The following CDH22 variants were observed in gnomAD, a reference collection of about 807,000 sequenced individuals.
The protein encoded by CDH22 is cadherin-22.
In CDH22, 30 loss-of-function variants were observed where a neutral mutation model predicts 58.4. The ratio of observed to expected loss-of-function variants is 0.51; its 90% CI spans 0.38 to 0.70. The LOEUF is 0.70. Ranked by LOEUF, CDH22 falls within the 30% of genes least tolerant of loss-of-function variation. The pLI is 0.00. For synonymous variants in CDH22, 513 were observed against 558.2 expected, an observed-to-expected ratio of 0.92 and a Z score of 1.14; for missense variants, 1,014 against 1,233.9, an observed-to-expected ratio of 0.82 and a Z score of 2.67.
At chr20:46,200,278 TTTTC>T (rs754120900) in intron 7 of CDH22, among the ~76,000 whole-genome samples, 88 of 150,952 alleles carry the variant, frequency 5.8e-4, no homozygotes, top group Non-Finnish European at 1.0e-3. Context: ...CCCGGCCCTC[TTTTC>T]TTTCTTTCTT....
At chr20:46,175,608 C>G (rs2085732549) in intron 11 of CDH22, among the ~76,000 whole-genome samples, 1 of 152,188 alleles carries the variant, frequency 6.6e-6, no homozygotes, top group South Asian at 2.1e-4. Flanking sequence ...GAGCTGCAGG[C>G]CAGGTTCCAT....
At chr20:46,181,756 T>TTCCTTCCTTCGTTCGTTCC (rs1410990843) in intron 10 of CDH22, among the ~76,000 whole-genome samples, 1 of 27,698 alleles carries the variant, frequency 3.6e-5, no homozygotes, top group Non-Finnish European at 7.5e-5. Flanking sequence ...TCCTTCCTTC[T>TTCCTTCCTTCGTTCGTTCC]TTCTTTCTTT....
rs115196523 is a variant in CDH22 at position 46,292,558 on chromosome 20, T to C, written c.-400+15697A>G. On this transcript the variant is annotated intron_variant, in intron 1 of 11. Transcript: ENST00000537909. ...TCTGATGTTCTGATTTTCTGACAAA[T>C]TAGGGTATCCGGTGTCTTAGTCCTG... is the stretch of plus-strand genomic sequence containing the variant. Among the ~76,000 whole-genome samples, 272 of 152,242 alleles carry C rather than the reference T, an allele frequency of 1.8e-3. 1 individual carries two copies. In the Middle Eastern group the frequency reaches 0.02, roughly 11 times the overall value.
intron 3 of CDH22, among the ~76,000 whole-genome samples, chr20:46,234,845 CA>C (rs980301597): frequency 3.8e-4 from 58 of 152,242 alleles, no homozygotes; most frequent in African/African-American, 8.7e-4. Context: ...ACTTTGAGGT[CA>C]GGGGTGGTGT....
chr20:46,192,919 C>CG (rs1371551104), intron 8 of CDH22, among the ~76,000 whole-genome samples: 2 of 152,032 alleles, frequency 1.3e-5, no homozygotes, highest in Admixed American at 6.5e-5. Context: ...CCCCATGCCC[C>CG]CCCCCAGTGG....
chr20:46,268,584 C>T (rs1373669502), intron 1 of CDH22, among the ~76,000 whole-genome samples: 1 of 152,380 alleles, frequency 6.6e-6, no homozygotes, highest in African/African-American at 2.4e-5. Flanking sequence ...TCTTTGCAGG[C>T]AGCTGGTAAC....
intron 1 of CDH22, among the ~76,000 whole-genome samples, chr20:46,307,038 C>G (rs1414836160): frequency 6.6e-6 from 1 of 152,212 alleles, no homozygotes; most frequent in Non-Finnish European, 1.5e-5. Context: ...CTCAAATGAG[C>G]CGCTGCCTGT....
chr20:46,295,013 G>A (rs890857224), intron 1 of CDH22, among the ~76,000 whole-genome samples: 20 of 152,134 alleles, frequency 1.3e-4, no homozygotes, highest in African/African-American at 2.7e-4. Context: ...AGAATTCTCC[G>A]AGACCTCTTC....
At position 46,197,307 on chromosome 20, in the gene CDH22, TATATATATATAC is replaced by T. The variant is rs542736966; in HGVS notation, c.1423+2104_1423+2115del. On this transcript the variant is annotated intron_variant, in intron 8 of 11. Transcript: ENST00000537909. ...GCATCTAGGCCAGGATATATATATA[TATATATATATAC>T]ATATGAAGCAAAAATTGTAAAATGT... Among the ~76,000 whole-genome samples the T allele has an allele frequency of 7.5e-3, 1,124 of 150,870 alleles. 8 individuals are homozygous for T. Among genetic ancestry groups the T allele is most frequent in the Middle Eastern group, 0.046 (13 of 284 alleles).
rs765115584 is a variant in CDH22 at position 46,227,647 on chromosome 20, C to A, written c.551-20G>T. On this transcript the variant is annotated intron_variant, in intron 3 of 11. Coordinates refer to ENST00000537909, the MANE Select transcript of CDH22 (RefSeq NM_021248.3). ...ACGTGCCTGGGCCCGGGGGACCAAG[C>A]GAGACAGGGGTCATCTGGGGCTGCG... 1 of 1,602,432 alleles carries A rather than the reference C, an allele frequency of 6.2e-7. No individual in the cohort carries two copies. Among genetic ancestry groups the A allele is most frequent in the South Asian group, 1.1e-5 (1 of 89,092 alleles).
intron 2 of CDH22, among the ~76,000 whole-genome samples, chr20:46,248,635 C>A (rs1057224160): frequency 1.3e-5 from 2 of 152,032 alleles, no homozygotes; most frequent in Non-Finnish European, 2.9e-5. Context: ...CCAGACTGGC[C>A]AACATGGTGA....
At position 46,251,446 on chromosome 20, in the gene CDH22, G is replaced by A. The variant is rs1433610281; in HGVS notation, c.-152C>T. 7 of 920,346 alleles carry A rather than the reference G, an allele frequency of 7.6e-6. No homozygotes were observed. Among genetic ancestry groups the A allele is most frequent in the Non-Finnish European group, 1.0e-5 (7 of 690,180 alleles). The allele number at this position is 920,346 out of a possible 1,614,324, so 57.0% of individuals were successfully genotyped here. A position where few individuals can be genotyped will look rare whatever the true frequency, so the allele number is the denominator to read the frequency against. On this transcript the variant is annotated 5_prime_UTR_variant, in exon 2 of 12. Coordinates refer to ENST00000537909, the MANE Select transcript of CDH22 (RefSeq NM_021248.3). This position sits in a 1 kb window ranked among gnomAD's most constrained non-coding sequence, Gnocchi z 6.7. ...CCCGACGGGGCACCCGGACGGGCCC[G>A]CGGCCCTGAACGCCGCCCAGCCGCG...
intron 1 of CDH22, among the ~76,000 whole-genome samples, chr20:46,273,929 G>A (rs2086504830): frequency 6.6e-6 from 1 of 152,254 alleles, no homozygotes; most frequent in Admixed American, 6.5e-5. Context: ...AAGTTGGGCT[G>A]GGACAGTTCC....
intron 8 of CDH22, among the ~76,000 whole-genome samples, chr20:46,196,963 G>T (rs2085908176): frequency 6.6e-6 from 1 of 152,100 alleles, no homozygotes; most frequent in African/African-American, 2.4e-5. Flanking sequence ...GCAGGGGCTG[G>T]GGATCACAGC....
rs561483591 is a variant in CDH22, at chr20:46,287,360, A to G, written c.-400+20895T>C. On this transcript the variant is annotated intron_variant, in intron 1 of 11. Coordinates refer to ENST00000537909, the MANE Select transcript of CDH22 (RefSeq NM_021248.3). ...CATTATTAACTCACGACTTCATTAAAACATGCGATGATGACTATAAAAGAA... is the reference window on the plus strand; with the variant it reads ...CATTATTAACTCACGACTTCATTAAGACATGCGATGATGACTATAAAAGAA... 5.3e-5 allele frequency among the ~76,000 whole-genome samples: 8 copies of G among 152,346 alleles called. No individual in the cohort carries two copies. The South Asian group carries it at 1.7e-3, about 32-fold the overall frequency.
intron 1 of CDH22, among the ~76,000 whole-genome samples, chr20:46,299,582 C>T (rs537149188): frequency 1.7e-4 from 26 of 152,220 alleles, no homozygotes; most frequent in African/African-American, 5.1e-4. Flanking sequence ...GGCACAGTGG[C>T]TCACGCCTGT....
chr20:46,233,989 T>C (rs1015805090), intron 3 of CDH22, among the ~76,000 whole-genome samples: 1 of 152,216 alleles, frequency 6.6e-6, no homozygotes, highest in Admixed American at 6.5e-5. Context: ...GACGGGACAA[T>C]TGGAGGCTCC....
intron 1 of CDH22, among the ~76,000 whole-genome samples, chr20:46,264,913 C>T (rs2086451345): frequency 6.6e-6 from 1 of 152,114 alleles, no homozygotes; most frequent in Non-Finnish European, 1.5e-5. Flanking sequence ...CGTGCGCACA[C>T]ACACATACCG....
chr20:46,267,904 C>T (rs534896589), intron 1 of CDH22, among the ~76,000 whole-genome samples: 1 of 152,348 alleles, frequency 6.6e-6, no homozygotes, highest in South Asian at 2.1e-4. Context: ...AACACCGTGG[C>T]AGGGGTGAGG....
Sources: allele counts gnomAD v4.1 joint callset (sites outside exome capture counted in the v4.1 genomes callset), GRCh38; gene constraint gnomAD v4.1.1; non-coding constraint Gnocchi (gnomAD v3.1); transcripts MANE v1.5; gene names NCBI Gene and HGNC (gene_info 2026-07-23, HGNC 2026-07-21).